Variants in FGF14 observed in about 807,000 individuals in gnomAD.
FGF14 encodes the protein fibroblast growth factor homologous factor 4.
Under a neutral mutation model 25.5 loss-of-function variants are expected in FGF14, and 5 were observed. The observed-to-expected ratio is 0.20, with a 90% CI of 0.10 to 0.41. The LOEUF (loss-of-function observed/expected upper bound fraction) is 0.41. Among genes scored for constraint, FGF14 ranks in the 10% least tolerant of loss-of-function variants. The pLI is 1.00. For missense variants in FGF14, 222 were observed against 320.1 expected (o/e 0.69, Z 2.34); for synonymous variants, 138 against 118.3 (o/e 1.17, Z -1.08).
intron 1 of FGF14, among the ~76,000 whole-genome samples, chr13:101,899,568 T>TA (rs1442286648): frequency 1.3e-5 from 2 of 151,500 alleles, no homozygotes; most frequent in African/African-American, 2.4e-5. Context: ...GCAAAGAACA[T>TA]AAAAAATGTA....
chr13:101,868,630 G>A (rs1484836288), intron 3 of FGF14, 95 bp downstream of exon 3: 5 of 861,128 alleles, frequency 5.8e-6, no homozygotes, highest in African/African-American at 1.7e-5. Flanking sequence ...AAAACTGGCA[G>A]AAACAACAGA....
At chr13:101,932,561 T>G (rs1467924261) in intron 1 of FGF14, among the ~76,000 whole-genome samples, 4 of 125,744 alleles carry the variant, frequency 3.2e-5, no homozygotes, top group Non-Finnish European at 4.8e-5. Context: ...AAAAAAGAAA[T>G]TACAAAACAT....
intron 1 of FGF14, among the ~76,000 whole-genome samples, chr13:102,068,378 TGAG>T (rs1052225420): frequency 5.3e-5 from 8 of 152,226 alleles, no homozygotes; most frequent in African/African-American, 1.7e-4. Context: ...TGGCGGCACT[TGAG>T]GAGCCCTTCA....
At chr13:102,024,630 C>G (rs1028708822) in intron 1 of FGF14, among the ~76,000 whole-genome samples, 1 of 151,826 alleles carries the variant, frequency 6.6e-6, no homozygotes, top group Non-Finnish European at 1.5e-5. Context: ...TTAAATGTAT[C>G]TATTTTATCT....
Position 101,765,503 on chromosome 13 carries a change from A to G in FGF14, c.409-38693T>C, listed in dbSNP as rs186086444. Among the ~76,000 whole-genome samples, 241 of 152,306 alleles carry G rather than the reference A, an allele frequency of 1.6e-3. 1 individual carries two copies. The highest frequency in any genetic ancestry group is 5.4e-3 in the African/African-American group (225 of 41,570). ...GTGCTAGAAGACAATGATGGCCTCC[A>G]TGGAGGCAAGCAGGTGAACTGATTG... is the stretch of plus-strand genomic sequence containing the variant. On this transcript the variant is annotated intron_variant, in intron 3 of 4. Coordinates refer to ENST00000376143, the MANE Select transcript of FGF14 (RefSeq NM_004115.4).
At chr13:102,321,465 A>T (rs1175247873) in intron 1 of FGF14, among the ~76,000 whole-genome samples, 1 of 152,216 alleles carries the variant, frequency 6.6e-6, no homozygotes, top group African/African-American at 2.4e-5. Flanking sequence ...AATGCTTCCC[A>T]GGGTCATTAT....
intron 1 of FGF14, among the ~76,000 whole-genome samples, chr13:102,247,442 C>A (rs1308202454): frequency 6.6e-6 from 1 of 151,940 alleles, no homozygotes; most frequent in Non-Finnish European, 1.5e-5. Context: ...TGAACAGGCA[C>A]TTTTCTAAAG....
At chr13:102,196,332 A>G (rs190051428) in intron 1 of FGF14, among the ~76,000 whole-genome samples, 2 of 152,298 alleles carry the variant, frequency 1.3e-5, no homozygotes, top group Admixed American at 6.5e-5. Flanking sequence ...TTCCCAGAAG[A>G]GCTGACAGAA....
intron 1 of FGF14, among the ~76,000 whole-genome samples, chr13:101,906,968 T>G (rs772819981): frequency 3.9e-5 from 6 of 152,166 alleles, no homozygotes; most frequent in Non-Finnish European, 8.8e-5. Context: ...AGTTTATGAC[T>G]ATTTCTTTCT....
chr13:102,046,188 A>G (rs575593372), intron 1 of FGF14, among the ~76,000 whole-genome samples: 94 of 152,262 alleles, frequency 6.2e-4, no homozygotes, highest in African/African-American at 2.0e-3. Context: ...TCTCTAGTCA[A>G]TTCCTACGGG....
chr13:102,340,247 T>C (rs538768353), intron 1 of FGF14, among the ~76,000 whole-genome samples: 14 of 152,310 alleles, frequency 9.2e-5, no homozygotes, highest in African/African-American at 3.1e-4. Flanking sequence ...CTTTTGCCAT[T>C]TTGGCGAATC....
In FGF14 at chr13:102,107,393, T is replaced by C. The variant is rs151065965; in HGVS notation, c.209-232097A>G. Among the ~76,000 whole-genome samples, 12 of 152,302 alleles carry C rather than the reference T, an allele frequency of 7.9e-5. No homozygotes were observed. The East Asian group carries it at 2.1e-3, about 27-fold the overall frequency. Reference sequence around the variant, plus strand: ...CAGCTGGAAATCTGGCAAGTCTCTTTTGAGTCGATTAACCCAATTGCATCT... The same window carrying C: ...CAGCTGGAAATCTGGCAAGTCTCTTCTGAGTCGATTAACCCAATTGCATCT... On this transcript the variant is annotated intron_variant, in intron 1 of 4. Transcript: ENST00000376131.
At chr13:102,359,280 C>T (rs567625340) in intron 1 of FGF14, among the ~76,000 whole-genome samples, 26 of 152,194 alleles carry the variant, frequency 1.7e-4, no homozygotes, top group African/African-American at 4.8e-4. Context: ...CATTTACCTA[C>T]GCAATAAAGC....
At chr13:102,044,304 T>C (rs1364714692) in intron 1 of FGF14, among the ~76,000 whole-genome samples, 2 of 152,036 alleles carry the variant, frequency 1.3e-5, no homozygotes, top group African/African-American at 4.8e-5. Context: ...CCCTAAAAGA[T>C]AACTGATTCC....
chr13:102,008,250 A>C (rs2039906088), intron 1 of FGF14, among the ~76,000 whole-genome samples: 1 of 152,226 alleles, frequency 6.6e-6, no homozygotes, highest in Admixed American at 6.5e-5. Flanking sequence ...AAAGCAATGG[A>C]ATGATCTTCT....
intron 3 of FGF14, among the ~76,000 whole-genome samples, chr13:101,775,317 A>C (rs555809753): frequency 1.9e-4 from 29 of 152,266 alleles, no homozygotes; most frequent in African/African-American, 6.5e-4. Context: ...AAAACTTAGC[A>C]ATTTGATGAA....
At chr13:102,280,518 T>C (rs1478305481) in intron 1 of FGF14, among the ~76,000 whole-genome samples, 1 of 152,118 alleles carries the variant, frequency 6.6e-6, no homozygotes, top group Non-Finnish European at 1.5e-5. Context: ...TGGTCAGCAA[T>C]GGAACAGGAT....
chr13:102,074,809 G>A (rs769411943), intron 1 of FGF14, among the ~76,000 whole-genome samples: 19 of 152,142 alleles, frequency 1.2e-4, no homozygotes, highest in Non-Finnish European at 2.8e-4. Context: ...CATATTAGTG[G>A]AATGAAGGAT....
At chr13:102,055,244 G>C (rs1487184226) in intron 1 of FGF14, among the ~76,000 whole-genome samples, 1 of 152,176 alleles carries the variant, frequency 6.6e-6, no homozygotes, top group Non-Finnish European at 1.5e-5. Flanking sequence ...TACATGCTGA[G>C]GCTCTTTTGA....
Sources: allele counts gnomAD v4.1 joint callset (sites outside exome capture counted in the v4.1 genomes callset), GRCh38; gene constraint gnomAD v4.1.1; transcripts MANE v1.5; gene names NCBI Gene and HGNC (gene_info 2026-07-23, HGNC 2026-07-21).